MKLN1: variants seen among roughly 807,000 people sequenced by gnomAD.
MKLN1 encodes the protein muskelin 1.
MKLN1 carries 18 observed loss-of-function variants against 99.0 expected under a neutral mutation model. The ratio of observed to expected loss-of-function variants is 0.18; its 90% CI spans 0.13 to 0.27. MKLN1 has a LOEUF of 0.27. Ranked by LOEUF, MKLN1 falls within the 10% of genes least tolerant of loss-of-function variation. MKLN1 has a pLI of 1.00. For synonymous variants in MKLN1, 288 were observed against 293.2 expected (o/e 0.98, Z 0.18); for missense variants, 621 against 875.9 (o/e 0.71, Z 3.67).
rs1797420890 is a variant in MKLN1, at chr7:131,491,466, T to A, written c.*3738T>A. The A allele has an allele frequency of 6.6e-6, 1 of 152,310 alleles. No homozygotes were observed. Among genetic ancestry groups the A allele is most frequent in the Non-Finnish European group, 1.5e-5 (1 of 68,022 alleles). 9.4% of individuals were successfully genotyped at this position (152,310 alleles called of 1,614,324 possible). Reference sequence around the variant, plus strand: ...GCTTTAACACAAAAGATTTTTGTTATCCTTATTAGTCAAATAACGCTATTC... The same window carrying A: ...GCTTTAACACAAAAGATTTTTGTTAACCTTATTAGTCAAATAACGCTATTC... On this transcript the variant is annotated 3_prime_UTR_variant, in exon 18 of 18. Transcript: ENST00000352689.
intron 8 of MKLN1, among the ~76,000 whole-genome samples, chr7:131,416,872 A>G (rs1202991898): frequency 6.6e-6 from 1 of 151,180 alleles, no homozygotes; most frequent in Non-Finnish European, 1.5e-5. Flanking sequence ...AGTCTCAGCT[A>G]CTCGAGAGGC....
At chr7:131,297,267 A>G (rs1334755547) in intron 3 of MKLN1, among the ~76,000 whole-genome samples, 1 of 152,152 alleles carries the variant, frequency 6.6e-6, no homozygotes, top group Non-Finnish European at 1.5e-5. Context: ...AGGCTGAGGC[A>G]GGAGAATCGC....
At chr7:131,329,548 G>A (rs1337628230) in intron 1 of MKLN1, among the ~76,000 whole-genome samples, 1 of 152,162 alleles carries the variant, frequency 6.6e-6, no homozygotes, top group Non-Finnish European at 1.5e-5. Context: ...ATGGACAGTT[G>A]GGAATTGGTG....
chr7:131,190,375 A>G (rs1796516866), intron 2 of MKLN1, among the ~76,000 whole-genome samples: 1 of 151,868 alleles, frequency 6.6e-6, no homozygotes, highest in Admixed American at 6.6e-5. Context: ...AGAGAAGCAG[A>G]TGACCCCGGC....
intron 1 of MKLN1, among the ~76,000 whole-genome samples, chr7:131,336,908 T>TAG (rs766308367): frequency 5.9e-5 from 9 of 152,280 alleles, no homozygotes; most frequent in Non-Finnish European, 7.4e-5. Context: ...TTTAGGGAGT[T>TAG]TGGTGGTACT....
intron 7 of MKLN1, among the ~76,000 whole-genome samples, chr7:131,413,282 T>C (rs1278155903): frequency 6.6e-6 from 1 of 152,234 alleles, no homozygotes; most frequent in Non-Finnish European, 1.5e-5. Flanking sequence ...ACAGTAGTAA[T>C]GAAAAGCTTC....
rs558103663 is a variant in MKLN1, at chr7:131,333,060, A to G, written c.98+5063A>G. On this transcript the variant is annotated intron_variant, in intron 1 of 17. Coordinates refer to ENST00000352689, the MANE Select transcript of MKLN1 (RefSeq NM_013255.5). ...TGCCTCAGCCTCCTAAGTAGCTGGTATTACAGGCGTGCACCACCACGTCTG... is the reference window on the plus strand; with the variant it reads ...TGCCTCAGCCTCCTAAGTAGCTGGTGTTACAGGCGTGCACCACCACGTCTG... Among the ~76,000 whole-genome samples, 7 of 152,218 alleles carry G rather than the reference A, an allele frequency of 4.6e-5. No individual in the cohort carries two copies. In the South Asian group the frequency reaches 1.5e-3, roughly 32 times the overall value.
chr7:131,187,657 G>A (rs956608821), intron 2 of MKLN1, among the ~76,000 whole-genome samples: 2 of 152,092 alleles, frequency 1.3e-5, no homozygotes, highest in African/African-American at 4.8e-5. Context: ...GGCCAGGTGC[G>A]GTGACTCATG....
intron 3 of MKLN1, among the ~76,000 whole-genome samples, chr7:131,318,058 G>A (rs1209497317): frequency 1.3e-5 from 2 of 152,096 alleles, no homozygotes; most frequent in African/African-American, 4.8e-5. Context: ...CAACAAGACA[G>A]AACATTAACA....
intron 1 of MKLN1, among the ~76,000 whole-genome samples, chr7:131,138,174 C>T (rs1179191220): frequency 6.7e-6 from 1 of 149,706 alleles, no homozygotes; most frequent in Admixed American, 6.7e-5. Flanking sequence ...ATCTACCCAC[C>T]TCTGCCTCTG....
At chr7:131,402,262 C>T (rs1794570950) in intron 6 of MKLN1, among the ~76,000 whole-genome samples, 2 of 152,190 alleles carry the variant, frequency 1.3e-5, no homozygotes, top group South Asian at 2.1e-4. Context: ...TTTGCTCATT[C>T]ATAAGAAGCA....
intron 1 of MKLN1, among the ~76,000 whole-genome samples, chr7:131,141,274 G>GTCA (rs1315997317): frequency 6.6e-6 from 1 of 152,092 alleles, no homozygotes; most frequent in African/African-American, 2.4e-5. Flanking sequence ...ATGTTCCCCA[G>GTCA]TCATCACAAA....
chr7:131,192,741 C>T (rs1377426282), intron 2 of MKLN1, among the ~76,000 whole-genome samples: 8 of 151,682 alleles, frequency 5.3e-5, no homozygotes, highest in African/African-American at 1.5e-4. Context: ...GGGGTTTCAC[C>T]GGGTTGGCCA....
At chr7:131,470,100 C>T (rs1045284524) in intron 15 of MKLN1, among the ~76,000 whole-genome samples, 2 of 152,158 alleles carry the variant, frequency 1.3e-5, no homozygotes, top group African/African-American at 4.8e-5. Context: ...CTCCTGGACT[C>T]AAGCAGTCCA....
intron 1 of MKLN1, among the ~76,000 whole-genome samples, chr7:131,363,331 G>A (rs1380757707): frequency 2.6e-5 from 4 of 151,910 alleles, no homozygotes; most frequent in Admixed American, 2.6e-4. Context: ...TCTGAGATCT[G>A]TGTCACTTGG....
intron 3 of MKLN1, among the ~76,000 whole-genome samples, chr7:131,284,115 T>A (rs906552798): frequency 6.6e-6 from 1 of 152,154 alleles, no homozygotes; most frequent in African/African-American, 2.4e-5. Context: ...CTTGAACACA[T>A]GTGTGAGAGT....
intron 2 of MKLN1, among the ~76,000 whole-genome samples, chr7:131,183,752 G>T (rs1485678058): frequency 6.6e-6 from 1 of 152,142 alleles, no homozygotes; most frequent in Admixed American, 6.6e-5. Context: ...AAGTCTCATG[G>T]TTAATTCTTG....
chr7:131,343,952 T>C (rs1056368169), intron 1 of MKLN1, among the ~76,000 whole-genome samples: 29 of 152,144 alleles, frequency 1.9e-4, no homozygotes, highest in African/African-American at 6.8e-4. Flanking sequence ...GGTTGCCACA[T>C]GTAAGTTTTA....
At chr7:131,460,902 A>C (rs1206633275) in intron 12 of MKLN1, among the ~76,000 whole-genome samples, 1 of 152,252 alleles carries the variant, frequency 6.6e-6, no homozygotes, top group Non-Finnish European at 1.5e-5. Context: ...TTACGAAAGT[A>C]ATTCCAGTTC....
Sources: gnomAD v4.1 joint callset for allele counts (sites outside exome capture counted in the v4.1 genomes callset) on GRCh38, gnomAD v4.1.1 for gene constraint, MANE v1.5 for transcripts, NCBI Gene and HGNC (gene_info 2026-07-23, HGNC 2026-07-21) for gene names.